TAF4B: variants seen among roughly 807,000 people sequenced by gnomAD.
The protein encoded by TAF4B is transcription initiation factor TFIID subunit 4B.
A neutral mutation model predicts 86.4 loss-of-function variants in TAF4B; 38 were observed. That is an observed-to-expected ratio of 0.44 (90% confidence interval 0.34 to 0.58). TAF4B has a LOEUF of 0.58. Ranked by LOEUF, TAF4B falls within the 20% of genes least tolerant of loss-of-function variation. The pLI is 0.02. For synonymous variants in TAF4B, 388 were observed against 391.2 expected (o/e 0.99, Z 0.10); for missense variants, 988 against 1,027.6 (o/e 0.96, Z 0.53).
intron 1 of TAF4B, among the ~76,000 whole-genome samples, chr18:26,228,916 T>G (rs1473523888): frequency 6.6e-6 from 1 of 152,180 alleles, no homozygotes; most frequent in Non-Finnish European, 1.5e-5. Flanking sequence ...TTGGTCATAA[T>G]AGGTAGGTAG....
intron 3 of TAF4B, among the ~76,000 whole-genome samples, chr18:26,270,487 A>G (rs528374599): frequency 6.6e-6 from 1 of 152,294 alleles, no homozygotes; most frequent in South Asian, 2.1e-4. Context: ...AAATTACTTT[A>G]TTTAAAAAAT....
intron 8 of TAF4B, 130 bp downstream of exon 8, chr18:26,292,511 CAG>C (rs1246819604): frequency 6.2e-6 from 6 of 973,246 alleles, no homozygotes; most frequent in Admixed American, 2.9e-5. Flanking sequence ...TGAGAGAAAA[CAG>C]AAAGATAATC....
At chr18:26,387,878 G>A (rs1016396050) in intron 14 of TAF4B, among the ~76,000 whole-genome samples, 3 of 152,116 alleles carry the variant, frequency 2.0e-5, no homozygotes, top group Admixed American at 6.6e-5. Flanking sequence ...TTATTTGTCC[G>A]TCAGATAAAG....
chr18:26,251,878 AG>A (rs2056011430), intron 1 of TAF4B, among the ~76,000 whole-genome samples: 1 of 152,194 alleles, frequency 6.6e-6, no homozygotes, highest in South Asian at 2.1e-4. Flanking sequence ...TCTGAAGATG[AG>A]CTGGTTATTT....
intron 13 of TAF4B, among the ~76,000 whole-genome samples, chr18:26,342,066 A>C (rs1324875046): frequency 6.6e-6 from 1 of 152,162 alleles, no homozygotes; most frequent in African/African-American, 2.4e-5. Flanking sequence ...TTAAATTTTT[A>C]CTATTTAAAA....
chr18:26,268,735 CTCCTGTCTTTCCTGCTGGA>C (rs1328983725), intron 3 of TAF4B, among the ~76,000 whole-genome samples: 1 of 152,214 alleles, frequency 6.6e-6, no homozygotes, highest in Non-Finnish European at 1.5e-5. Flanking sequence ...AAGATAATTA[CTCCTGTCTTTCCTGCTGGA>C]TCATGGTTAC....
intron 10 of TAF4B, among the ~76,000 whole-genome samples, chr18:26,316,973 G>A (rs934310849): frequency 6.6e-6 from 1 of 151,100 alleles, no homozygotes; most frequent in Non-Finnish European, 1.5e-5. Context: ...ATTATCTAGT[G>A]CTTTGGTAAA....
chr18:26,327,230 G>T, intron 12 of TAF4B, 90 bp downstream of exon 12: 1 of 1,477,594 alleles, frequency 6.8e-7, no homozygotes, highest in Non-Finnish European at 9.0e-7. Context: ...GGTTTTATTA[G>T]GCCTTTAGAT....
chr18:26,383,025 C>T (rs188110396), intron 14 of TAF4B, among the ~76,000 whole-genome samples: 2 of 152,054 alleles, frequency 1.3e-5, no homozygotes, highest in Admixed American at 1.3e-4. Context: ...AGAGAGAATG[C>T]TATGTGCAAT....
intron 14 of TAF4B, among the ~76,000 whole-genome samples, chr18:26,377,325 T>A (rs1202475784): frequency 6.6e-6 from 1 of 152,226 alleles, no homozygotes; most frequent in African/African-American, 2.4e-5. Flanking sequence ...GGGAAAACTT[T>A]ATTGATTACG....
intron 14 of TAF4B, among the ~76,000 whole-genome samples, chr18:26,375,732 A>G (rs917502664): frequency 9.9e-5 from 15 of 151,978 alleles, no homozygotes; most frequent in East Asian, 7.7e-4. Context: ...CAATTTATCA[A>G]TTTTTTCTTT....
At chr18:26,253,267 G>C (rs1017807733) in intron 1 of TAF4B, among the ~76,000 whole-genome samples, 3 of 151,760 alleles carry the variant, frequency 2.0e-5, no homozygotes, top group African/African-American at 7.3e-5. Context: ...TCTTTTTTTG[G>C]GTCTTTTTAT....
At chr18:26,389,794 C>G in intron 14 of TAF4B, 51 bp from the exon 15 acceptor site, 2 of 1,574,864 alleles carry the variant, frequency 1.3e-6, no homozygotes, top group Non-Finnish European at 1.7e-6. Flanking sequence ...ACAGGCTTTC[C>G]CTTTATGAAA....
chr18:26,287,441 G>A (rs1410122138), intron 7 of TAF4B, among the ~76,000 whole-genome samples: 3 of 152,164 alleles, frequency 2.0e-5, no homozygotes, highest in African/African-American at 7.2e-5. Flanking sequence ...GGTAGGTTGG[G>A]AGGTTCTTGG....
chr18:26,327,786 A>T (rs1418446619), intron 12 of TAF4B, among the ~76,000 whole-genome samples: 2 of 152,158 alleles, frequency 1.3e-5, no homozygotes, highest in Admixed American at 6.5e-5. Context: ...GGGTTCCACC[A>T]TGTTGGCCAG....
intron 14 of TAF4B, among the ~76,000 whole-genome samples, chr18:26,389,358 G>C (rs547062876): frequency 6.6e-6 from 1 of 152,198 alleles, no homozygotes; most frequent in South Asian, 2.1e-4. Flanking sequence ...GGCCTGGTGG[G>C]ATCTGAACCG....
At chr18:26,241,004 T>C (rs1453355775) in intron 1 of TAF4B, among the ~76,000 whole-genome samples, 1 of 152,206 alleles carries the variant, frequency 6.6e-6, no homozygotes, top group Non-Finnish European at 1.5e-5. Context: ...TATTGAGGAT[T>C]TTTGTATCGA....
intron 11 of TAF4B, among the ~76,000 whole-genome samples, chr18:26,322,723 A>G (rs999079559): frequency 1.3e-5 from 2 of 151,442 alleles, no homozygotes; most frequent in African/African-American, 4.8e-5. Context: ...CTGTTTTTCT[A>G]TTTTTGATTT....
At chr18:26,367,466 AAG>A (rs1335501905) in intron 14 of TAF4B, among the ~76,000 whole-genome samples, 1 of 152,164 alleles carries the variant, frequency 6.6e-6, no homozygotes, top group Non-Finnish European at 1.5e-5. Context: ...CGAGCTCTAG[AAG>A]AGAGAGTGAG....
Sources: gnomAD v4.1 joint callset for allele counts (sites outside exome capture counted in the v4.1 genomes callset) on GRCh38, gnomAD v4.1.1 for gene constraint, MANE v1.5 for transcripts, NCBI Gene and HGNC (gene_info 2026-07-23, HGNC 2026-07-21) for gene names.